The following UBE2W variants were observed in gnomAD, a reference collection of about 807,000 sequenced individuals.
The protein encoded by UBE2W is ubiquitin conjugating enzyme E2 W, also known as ubiquitin-conjugating enzyme E2 W.
In UBE2W, 18 loss-of-function variants were observed where a neutral mutation model predicts 27.2. That is an observed-to-expected ratio of 0.66 (90% CI 0.46 to 0.98). The LOEUF (loss-of-function observed/expected upper bound fraction) is 0.98, where lower values mean the gene tolerates loss of function less well. UBE2W is among the 50% of genes least tolerant of loss of function. The pLI is 0.00. For synonymous variants in UBE2W, 53 were observed against 57.2 expected (o/e 0.93, Z 0.33); for missense variants, 90 against 180.2 (o/e 0.50, Z 2.87).
intron 1 of UBE2W, among the ~76,000 whole-genome samples, chr8:73,851,603 TATG>T (rs945415930): frequency 1.3e-5 from 2 of 152,116 alleles, no homozygotes; most frequent in Non-Finnish European, 2.9e-5. Context: ...TAAATAAAAA[TATG>T]ATCATGCTGA....
Position 73,850,886 on chromosome 8 carries a change from G to T in UBE2W, c.16-20414C>A, listed in dbSNP as rs190160690. 3.3e-5 allele frequency among the ~76,000 whole-genome samples: 5 copies of T among 151,682 alleles called. No individual in the cohort carries two copies. In the South Asian group the frequency reaches 1.0e-3, roughly 32 times the overall value. On this transcript the variant is annotated intron_variant, in intron 1 of 5. Transcript: ENST00000602593. ...TTTATTTAACTTTTTTTGAGACAGG[G>T]TCTCACTCTGTTGCCCAGGCTGGAG...
Position 73,793,277 on chromosome 8 carries a change from C to A in UBE2W, c.*825G>T, listed in dbSNP as rs1239204558. On this transcript the variant is annotated 3_prime_UTR_variant, in exon 6 of 6. Transcript: ENST00000602593. ...ACAAATAACAAGCCCAAATTATGGA[C>A]TGCAGCAATTTAATCATCACTGCCA... The A allele has an allele frequency of 3.0e-6, 3 of 985,700 alleles. No homozygotes were observed. The highest frequency in any genetic ancestry group is 3.6e-6 in the Non-Finnish European group (3 of 829,918). The allele number at this position is 985,700 out of a possible 1,614,324, so 61.1% of individuals were successfully genotyped here. A position where few individuals can be genotyped will look rare whatever the true frequency, so the allele number is the denominator to read the frequency against.
At position 73,789,413 on chromosome 8, in the gene UBE2W, G is replaced by A. The variant is rs911888105; in HGVS notation, c.*4689C>T. On this transcript the variant is annotated 3_prime_UTR_variant, in exon 6 of 6. Transcript: ENST00000602593. ...CCCGGGAGGCAGGAGGATTGCTTGA[G>A]CCAAGGTGGTCAAGGCTGCAATGAC... The A allele has an allele frequency of 6.5e-6, 1 of 154,646 alleles. No homozygotes were observed. Among genetic ancestry groups the A allele is most frequent in the Non-Finnish European group, 1.4e-5 (1 of 72,346 alleles). The allele number at this position is 154,646 out of a possible 1,614,324, so 9.6% of individuals were successfully genotyped here. A position where few individuals can be genotyped will look rare whatever the true frequency, so the allele number is the denominator to read the frequency against.
At chr8:73,860,694 A>G (rs1375473107) in intron 1 of UBE2W, among the ~76,000 whole-genome samples, 1 of 152,212 alleles carries the variant, frequency 6.6e-6, no homozygotes, top group Non-Finnish European at 1.5e-5. Context: ...GTGGATTTTG[A>G]GTAAAATTTG....
intron 1 of UBE2W, among the ~76,000 whole-genome samples, chr8:73,858,877 T>TGA (rs1811416303): frequency 1.3e-5 from 1 of 74,314 alleles, no homozygotes; most frequent in South Asian, 5.0e-4. Flanking sequence ...GGTTTTTGCG[T>TGA]GCGTGTGTGT....
intron 1 of UBE2W, among the ~76,000 whole-genome samples, chr8:73,846,862 T>A (rs938533041): frequency 2.6e-5 from 4 of 152,126 alleles, no homozygotes; most frequent in Admixed American, 2.6e-4. Context: ...CCATAATGGC[T>A]ACAAATCATT....
chr8:73,870,806 G>C (rs1221759288), intron 1 of UBE2W, among the ~76,000 whole-genome samples: 2 of 108,710 alleles, frequency 1.8e-5, no homozygotes, highest in Non-Finnish European at 3.8e-5. Flanking sequence ...AAAAATATTT[G>C]AACAAAGCTA....
rs1456588528 is a variant in UBE2W, at chr8:73,787,984, T to C, written c.*6118A>G. ...CTATCTTCATTCTGTTGCACTCATT[T>C]TGGAAATGGACATGTTCCTGTTTCT... On this transcript the variant is annotated 3_prime_UTR_variant, in exon 6 of 6. Coordinates refer to ENST00000602593, the MANE Select transcript of UBE2W (RefSeq NM_018299.6). 1 of 985,326 alleles carries C rather than the reference T, an allele frequency of 1.0e-6. No individual in the cohort carries two copies. Among genetic ancestry groups the C allele is most frequent in the African/African-American group, 1.7e-5 (1 of 57,250 alleles). The allele number at this position is 985,326 out of a possible 1,614,324, so 61.0% of individuals were successfully genotyped here.
At chr8:73,847,214 C>A (rs1034404154) in intron 1 of UBE2W, among the ~76,000 whole-genome samples, 1 of 151,912 alleles carries the variant, frequency 6.6e-6, no homozygotes, top group Non-Finnish European at 1.5e-5. Flanking sequence ...GTCTAGAATT[C>A]GTAATTCACA....
intron 1 of UBE2W, among the ~76,000 whole-genome samples, chr8:73,863,550 C>T (rs1452328253): frequency 1.4e-5 from 2 of 145,412 alleles, no homozygotes; most frequent in Non-Finnish European, 3.0e-5. Flanking sequence ...GCACAATGTG[C>T]ACATGTACCC....
At position 73,867,606 on chromosome 8, in the gene UBE2W, G is replaced by A. The variant is rs552656090; in HGVS notation, c.15+11202C>T. Reference sequence around the variant, plus strand: ...CGTGCCTGTATTCCCAGCTACTCAGGAGGCTGAGGCAGGAGAATCGCTTGA... The same window carrying A: ...CGTGCCTGTATTCCCAGCTACTCAGAAGGCTGAGGCAGGAGAATCGCTTGA... On this transcript the variant is annotated intron_variant, in intron 1 of 5. Transcript: ENST00000602593. Among the ~76,000 whole-genome samples, 3 of 152,058 alleles carry A rather than the reference G, an allele frequency of 2.0e-5. No homozygotes were observed. The East Asian group carries it at 5.8e-4, about 29-fold the overall frequency.
In UBE2W at chr8:73,805,727, C is replaced by A; in HGVS notation, c.367-1G>T. On this transcript the variant is annotated splice_acceptor_variant, in intron 4 of 5. Transcript: ENST00000602593. LOFTEE classifies it high-confidence loss of function. ...AAAAAGAATTATCCGGTGGTCGTCT[C>A]TGAAACAAAAAATAATTTAAATAGG... 2 of 1,498,244 alleles carry A rather than the reference C, an allele frequency of 1.3e-6. No individual in the cohort carries two copies. Among genetic ancestry groups the A allele is most frequent in the Non-Finnish European group, 1.8e-6 (2 of 1,113,682 alleles). 92.8% of individuals were successfully genotyped at this position (1,498,244 alleles called of 1,614,324 possible). A position where few individuals can be genotyped will look rare whatever the true frequency, so the allele number is the denominator to read the frequency against.
rs999224943 is a variant in UBE2W at position 73,788,226 on chromosome 8, A to G, written c.*5876T>C. 17 of 942,792 alleles carry G rather than the reference A, an allele frequency of 1.8e-5. No homozygotes were observed. The Admixed American group carries it at 4.9e-4, about 27-fold the overall frequency. The allele number at this position is 942,792 out of a possible 1,614,324, so 58.4% of individuals were successfully genotyped here. A position where few individuals can be genotyped will look rare whatever the true frequency, so the allele number is the denominator to read the frequency against. Reference sequence around the variant, plus strand: ...GTCTGATACATGTATTAAAAAATATATAACATAGATTTGTCTGTTTTAACA... The same window carrying G: ...GTCTGATACATGTATTAAAAAATATGTAACATAGATTTGTCTGTTTTAACA... On this transcript the variant is annotated 3_prime_UTR_variant, in exon 6 of 6. Coordinates refer to ENST00000602593, the MANE Select transcript of UBE2W (RefSeq NM_018299.6).
intron 3 of UBE2W, among the ~76,000 whole-genome samples, chr8:73,815,241 G>A (rs1432297856): frequency 6.6e-6 from 1 of 152,110 alleles, no homozygotes; most frequent in East Asian, 1.9e-4. Flanking sequence ...CGCATGTGGT[G>A]GCATGCTCCT....
intron 1 of UBE2W, among the ~76,000 whole-genome samples, chr8:73,860,020 G>A (rs574924353): frequency 1.1e-3 from 168 of 151,300 alleles, no homozygotes; most frequent in African/African-American, 4.0e-3. Context: ...TTTGAGTTTG[G>A]AAAGAAAGCA....
intron 5 of UBE2W, among the ~76,000 whole-genome samples, chr8:73,798,195 A>T (rs1300805627): frequency 6.6e-6 from 1 of 152,138 alleles, no homozygotes; most frequent in East Asian, 1.9e-4. Context: ...TACTCGGGAC[A>T]CTGAGGTGGG....
At chr8:73,803,361 A>C (rs1395480280) in intron 5 of UBE2W, among the ~76,000 whole-genome samples, 2 of 152,196 alleles carry the variant, frequency 1.3e-5, no homozygotes, top group African/African-American at 4.8e-5. Flanking sequence ...CTGATTTGTA[A>C]TGCCTTATCA....
chr8:73,874,635 G>A (rs1038486313), intron 1 of UBE2W, among the ~76,000 whole-genome samples: 4 of 152,208 alleles, frequency 2.6e-5, no homozygotes, highest in South Asian at 4.1e-4. Flanking sequence ...TCCCTAAAAC[G>A]CTAAAACTAA....
intron 1 of UBE2W, among the ~76,000 whole-genome samples, chr8:73,867,151 AG>A (rs1253456610): frequency 6.6e-6 from 1 of 152,242 alleles, no homozygotes; most frequent in Non-Finnish European, 1.5e-5. Context: ...CTGTGATCTC[AG>A]CATGTTGGGA....
Sources: allele counts gnomAD v4.1 joint callset (sites outside exome capture counted in the v4.1 genomes callset), GRCh38; gene constraint gnomAD v4.1.1; transcripts MANE v1.5; gene names NCBI Gene and HGNC (gene_info 2026-07-23, HGNC 2026-07-21).